Variants in NXN observed in about 807,000 individuals in gnomAD.
The protein encoded by NXN is nucleoredoxin, also known as nucleoredoxin 1.
Under a neutral mutation model 48.6 loss-of-function variants are expected in NXN, and 16 were observed. The ratio of observed to expected loss-of-function variants is 0.33; its 90% CI spans 0.22 to 0.50. The LOEUF (loss-of-function observed/expected upper bound fraction) is 0.50. Ranked by LOEUF, NXN falls within the 20% of genes least tolerant of loss-of-function variation. The pLI is 0.98. For missense variants in NXN, 492 were observed against 605.5 expected (o/e 0.81, Z 1.97); for synonymous variants, 281 against 269.6 (o/e 1.04, Z -0.41).
rs1020483693 is a variant in NXN at position 956,657 on chromosome 17, C to T, written c.360+22662G>A. On this transcript the variant is annotated intron_variant, in intron 1 of 7. Transcript: ENST00000336868. The surrounding 1 kb of genome is among the most constrained non-coding windows in gnomAD (Gnocchi z 4.1). ...CTCGATCTCCAGACCTCAGGTGATCCGTCCACCTCAGCCTCCCAAAGTGCT... is the reference window on the plus strand; with the variant it reads ...CTCGATCTCCAGACCTCAGGTGATCTGTCCACCTCAGCCTCCCAAAGTGCT... 4.6e-5 allele frequency among the ~76,000 whole-genome samples: 7 copies of T among 152,164 alleles called. No homozygotes were observed. Among genetic ancestry groups the T allele is most frequent in the Non-Finnish European group, 1.5e-5 (1 of 68,032 alleles).
At chr17:882,440 C>T (rs2144839681) in intron 1 of NXN, among the ~76,000 whole-genome samples, 1 of 148,900 alleles carries the variant, frequency 6.7e-6, no homozygotes, top group East Asian at 2.0e-4. Flanking sequence ...CCAACTGCCT[C>T]AATTGCAGGG....
intron 1 of NXN, among the ~76,000 whole-genome samples, chr17:889,233 G>T (rs1291049725): frequency 1.3e-5 from 2 of 152,078 alleles, no homozygotes; most frequent in Non-Finnish European, 2.9e-5. Context: ...GCCTTCTCAG[G>T]AGGATTAAGT....
At position 932,214 on chromosome 17, in the gene NXN, A is replaced by C. The variant is rs2068862464; in HGVS notation, c.360+47105T>G. 6.6e-6 allele frequency among the ~76,000 whole-genome samples: 1 copy of C among 152,228 alleles called. No individual in the cohort carries two copies. The highest frequency in any genetic ancestry group is 1.5e-5 in the Non-Finnish European group (1 of 68,040). ...GAATCCTGGAAAAAAAAGCTAAGGC[A>C]AAGCTGATCTGAAGAGTCTGTCTAC... On this transcript the variant is annotated intron_variant, in intron 1 of 7. Transcript: ENST00000336868. This position sits in a 1 kb window ranked among gnomAD's most constrained non-coding sequence, Gnocchi z 4.1.
chr17:932,867 C>T lies in NXN; in HGVS notation c.360+46452G>A, dbSNP rs534842389. ...TTCTCCATGTTGGCCAGGCTGGTCT[C>T]GAACTCCTGACCTCAGGTGATCCGC... On this transcript the variant is annotated intron_variant, in intron 1 of 7. Coordinates refer to ENST00000336868, the MANE Select transcript of NXN (RefSeq NM_022463.5). This position sits in a 1 kb window ranked among gnomAD's most constrained non-coding sequence, Gnocchi z 4.1. Among the ~76,000 whole-genome samples, 7 of 152,184 alleles carry T rather than the reference C, an allele frequency of 4.6e-5. No homozygotes were observed. Among genetic ancestry groups the T allele is most frequent in the Non-Finnish European group, 8.8e-5 (6 of 68,022 alleles).
chr17:841,393 CGGCG>C (rs1914186832), intron 1 of NXN, among the ~76,000 whole-genome samples: 2 of 84,232 alleles, frequency 2.4e-5, no homozygotes, highest in African/African-American at 5.0e-5. Context: ...CATCTCACGC[CGGCG>C]AGCAGGTCCC....
At chr17:885,043 C>A (rs879328917) in intron 1 of NXN, among the ~76,000 whole-genome samples, 80 of 152,156 alleles carry the variant, frequency 5.3e-4, no homozygotes, top group Non-Finnish European at 4.1e-4. Context: ...CATCTAAGAC[C>A]AAGCGGAGCT....
chr17:963,942 T>C (rs2150631831), intron 1 of NXN, among the ~76,000 whole-genome samples: 1 of 151,830 alleles, frequency 6.6e-6, no homozygotes, highest in South Asian at 2.1e-4. Context: ...CCGGGCGTGG[T>C]GGCGGGCGCC....
At chr17:803,550 C>G in intron 7 of NXN, 132 bp downstream of exon 7, 1 of 1,111,888 alleles carries the variant, frequency 9.0e-7, no homozygotes, top group Non-Finnish European at 1.3e-6. Context: ...CCACATTTGT[C>G]TGTGGGCTCT....
intron 1 of NXN, among the ~76,000 whole-genome samples, chr17:874,533 G>A (rs562310112): frequency 1.3e-5 from 2 of 152,330 alleles, no homozygotes; most frequent in African/African-American, 4.8e-5. Context: ...GCGGTGAGCC[G>A]AGATCATGCC....
intron 1 of NXN, among the ~76,000 whole-genome samples, chr17:934,604 T>G (rs6598838): frequency 0.26 from 39,279 of 151,916 alleles, 5,421 homozygotes; most frequent in South Asian, 0.37. Context: ...CCAGGCACAG[T>G]GGCTCATGCC....
chr17:902,857 T>A (rs1457715725), intron 1 of NXN, among the ~76,000 whole-genome samples: 1 of 150,910 alleles, frequency 6.6e-6, no homozygotes, highest in East Asian at 2.0e-4. Flanking sequence ...CAGCTCACTA[T>A]AACCTCCGCC....
At chr17:872,618 T>TG (rs1254466660) in intron 1 of NXN, among the ~76,000 whole-genome samples, 3 of 141,522 alleles carry the variant, frequency 2.1e-5, no homozygotes, top group African/African-American at 8.3e-5. Flanking sequence ...GAGATCTTTT[T>TG]TTTTTTTTTT....
intron 1 of NXN, among the ~76,000 whole-genome samples, chr17:842,990 GAGAAAGAGAGAAAGAGAGAA>G (rs1445962180): frequency 1.2e-3 from 133 of 106,674 alleles, no homozygotes; most frequent in African/African-American, 3.1e-3. Flanking sequence ...GAGAGAAAGA[GAGAAAGAGAGAAAGAGAGAA>G]AGAAAGAAAG....
chr17:947,732 CAAAAAAAAAAAAA>C (rs1159185042), intron 1 of NXN, among the ~76,000 whole-genome samples: 1 of 36,670 alleles, frequency 2.7e-5, no homozygotes, highest in Non-Finnish European at 5.8e-5. Flanking sequence ...GGCTCCCTCT[CAAAAAAAAAAAAA>C]AAAAAAAAAG....
In NXN at chr17:800,802, T is replaced by G. The variant is rs655377; in HGVS notation, c.*147A>C. Reference sequence around the variant, plus strand: ...ACACCCCAGGGTGCTGGCTGAGGAGTTTACTGCAGAAACAAGGCACCACAG... The same window carrying G: ...ACACCCCAGGGTGCTGGCTGAGGAGGTTACTGCAGAAACAAGGCACCACAG... On this transcript the variant is annotated 3_prime_UTR_variant, in exon 8 of 8. Transcript: ENST00000336868. 113,471 of 454,240 alleles carry G rather than the reference T, an allele frequency of 0.25. 14,868 individuals are homozygous for G. The highest frequency in any genetic ancestry group is 0.3 in the Admixed American group (6,748 of 22,852). 28.1% of individuals were successfully genotyped at this position (454,240 alleles called of 1,614,324 possible).
chr17:824,612 G>A (rs1343253672), intron 2 of NXN, among the ~76,000 whole-genome samples: 1 of 152,138 alleles, frequency 6.6e-6, no homozygotes, highest in Non-Finnish European at 1.5e-5. Context: ...ACGCTCCTGG[G>A]CCCCACGCCC....
chr17:966,075 C>G (rs2069299120), intron 1 of NXN, among the ~76,000 whole-genome samples: 2 of 150,838 alleles, frequency 1.3e-5, no homozygotes, highest in Admixed American at 6.6e-5. Flanking sequence ...GAGATGGCAC[C>G]ACTGCACTCC....
chr17:809,681 C>T (rs1983708), intron 5 of NXN, among the ~76,000 whole-genome samples: 38,483 of 152,070 alleles, frequency 0.25, 5,129 homozygotes, highest in East Asian at 0.37. Flanking sequence ...CTGGTGAGGA[C>T]GCACCAGCAG....
intron 1 of NXN, among the ~76,000 whole-genome samples, chr17:870,895 G>T (rs2068144979): frequency 6.6e-6 from 1 of 151,880 alleles, no homozygotes; most frequent in Non-Finnish European, 1.5e-5. Flanking sequence ...GTCTCACTCT[G>T]TCGCCCAGGC....
Sources: allele counts gnomAD v4.1 joint callset (sites outside exome capture counted in the v4.1 genomes callset), GRCh38; gene constraint gnomAD v4.1.1; non-coding constraint Gnocchi (gnomAD v3.1); transcripts MANE v1.5; gene names NCBI Gene and HGNC (gene_info 2026-07-23, HGNC 2026-07-21).